ZNF850: variants seen among roughly 807,000 people sequenced by gnomAD.
The protein encoded by ZNF850 is putative zinc finger protein ENSP00000330994.
A neutral mutation model predicts 11.9 loss-of-function variants in ZNF850; 2 were observed. The observed-to-expected ratio is 0.17, with a 90% CI of 0.07 to 0.53. The LOEUF is 0.53. ZNF850 is among the 20% of genes least tolerant of loss of function. The pLI is 0.94. For missense variants in ZNF850, 1,014 were observed against 1,316.4 expected (o/e 0.77, Z 3.55); for synonymous variants, 381 against 443.0 (o/e 0.86, Z 1.76).
intron 4 of ZNF850, 70 bp downstream of exon 4, chr19:36,761,573 C>A (rs1168966214): frequency 3.6e-6 from 3 of 840,650 alleles, no homozygotes; most frequent in East Asian, 2.7e-5. Context: ...AATACCTGTA[C>A]GGTGCTGCCT....
In ZNF850 at chr19:36,750,713, A is replaced by G; in HGVS notation, c.327T>C (p.Cys109=). 1 of 1,536,262 alleles carries G rather than the reference A, an allele frequency of 6.5e-7. No individual in the cohort carries two copies. Among genetic ancestry groups the G allele is most frequent in the Non-Finnish European group, 8.7e-7 (1 of 1,146,938 alleles). ...TSSQWVRMEK[C]HSLVGSSVRD... is the part of the protein sequence containing the mutation. ...TGACACTGGAGCCCACAAGGCTATG[A>G]CATTTTTCCATTCTCACCCACTGAG... Residue 109 remains cysteine, a synonymous_variant, in exon 5 of 5, where the codon TGT becomes TGC. Transcript: ENST00000591344.
rs774902910 is a variant in ZNF850 at position 36,749,551 on chromosome 19, G to A, written c.1489C>T (p.Arg497Ter). 1.0e-5 allele frequency: 16 copies of A among 1,544,740 alleles called. No homozygotes were observed. Among genetic ancestry groups the A allele is most frequent in the Admixed American group, 2.0e-5 (1 of 51,252 alleles). ...TAGGGTTTCTCACCAGTGTGGATTCGCTGGTGTCGATTGCGTGTTGAGCGA... is the reference window on the plus strand; with the variant it reads ...TAGGGTTTCTCACCAGTGTGGATTCACTGGTGTCGATTGCGTGTTGAGCGA... ...TFRSTRNRHQ[R>*]IHTGEKPYNC... The change falls in exon 5 of 5, where the codon CGA becomes TGA. Residue 497 changes from arginine to a stop codon, truncating the protein, a stop_gained. Transcript: ENST00000591344. LOFTEE classifies it low-confidence loss of function (END_TRUNC).
Position 36,744,213 on chromosome 19 carries a change from A to G in ZNF850, c.*3554T>C, listed in dbSNP as rs1263538279. ...AAAAAGGATTTACCCCAAATAGATCATCTTTGGTCAATAAGAATATACAGG... is the reference window on the plus strand; with the variant it reads ...AAAAAGGATTTACCCCAAATAGATCGTCTTTGGTCAATAAGAATATACAGG... On this transcript the variant is annotated 3_prime_UTR_variant, in exon 5 of 5. Coordinates refer to ENST00000591344, the MANE Select transcript of ZNF850 (RefSeq NM_001193552.2). 6.6e-6 allele frequency: 1 copy of G among 151,680 alleles called. No individual in the cohort carries two copies. The highest frequency in any genetic ancestry group is 1.5e-5 in the Non-Finnish European group (1 of 67,944). The allele number at this position is 151,680 out of a possible 1,614,324, so 9.4% of individuals were successfully genotyped here.
At chr19:36,762,218 A>C in intron 3 of ZNF850, 87 bp downstream of exon 3, 1 of 1,187,104 alleles carries the variant, frequency 8.4e-7, no homozygotes, top group South Asian at 1.7e-5. Context: ...ACACAAAACA[A>C]TTCCCTAGGC....
At chr19:36,753,422 C>CAAAAAAAAAAAAAAAAA (rs58851544) in intron 4 of ZNF850, among the ~76,000 whole-genome samples, 2 of 46,654 alleles carry the variant, frequency 4.3e-5, no homozygotes, top group Non-Finnish European at 7.9e-5. Flanking sequence ...GACACTGTCT[C>CAAAAAAAAAAAAAAAAA]AAAAAAAAAA....
intron 4 of ZNF850, among the ~76,000 whole-genome samples, chr19:36,752,985 C>T (rs948092898): frequency 7.9e-5 from 12 of 151,980 alleles, no homozygotes; most frequent in East Asian, 1.9e-4. Flanking sequence ...AAAAGTTCTA[C>T]GGGGCCAGGT....
At chr19:36,751,317 A>G (rs1293650762) in intron 4 of ZNF850, among the ~76,000 whole-genome samples, 2 of 152,146 alleles carry the variant, frequency 1.3e-5, no homozygotes, top group Non-Finnish European at 2.9e-5. Context: ...AAAAGCTGTC[A>G]AAGCAAAGAG....
chr19:36,772,046 G>A (rs563471991), intron 1 of ZNF850, among the ~76,000 whole-genome samples: 6 of 152,182 alleles, frequency 3.9e-5, no homozygotes, highest in African/African-American at 1.4e-4. Flanking sequence ...ATCTAACAGA[G>A]CCCACCGTGT....
intron 1 of ZNF850, among the ~76,000 whole-genome samples, chr19:36,772,435 C>T (rs1293947033): frequency 6.6e-6 from 1 of 152,154 alleles, no homozygotes; most frequent in African/African-American, 2.4e-5. Context: ...CTGCAACTCA[C>T]GCACACAAGG....
intron 4 of ZNF850, among the ~76,000 whole-genome samples, chr19:36,752,062 T>C (rs996873737): frequency 6.6e-6 from 1 of 152,166 alleles, no homozygotes. Context: ...GGTATCAGTA[T>C]CTAAAAATTA....
rs750741477 is a variant in ZNF850, at chr19:36,749,636, C to G, written c.1404G>C (p.Gln468His). ...AGGGTTTCTCACCAGTGTGAATCCGCTGATGTTGAAGTAGTGCTGAGCCCG... is the reference window on the plus strand; with the variant it reads ...AGGGTTTCTCACCAGTGTGAATCCGGTGATGTTGAAGTAGTGCTGAGCCCG... ...FASGSALLQH[Q>H]RIHTGEKPYC... is the part of the protein sequence containing the mutation. Residue 468 changes from glutamine (Q) to histidine (H), a missense_variant, in exon 5 of 5, where the codon CAG becomes CAC. Physicochemically the swap from Gln to His is conservative, Grantham distance 24. Coordinates refer to ENST00000591344, the MANE Select transcript of ZNF850 (RefSeq NM_001193552.2). 5.1e-6 allele frequency: 8 copies of G among 1,553,594 alleles called. No individual in the cohort carries two copies. In the South Asian group the frequency reaches 9.4e-5, roughly 18 times the overall value.
Position 36,748,051 on chromosome 19 carries a change from T to G in ZNF850, c.2989A>C (p.Ile997Leu), listed in dbSNP as rs1440389732. 7 of 1,576,890 alleles carry G rather than the reference T, an allele frequency of 4.4e-6. No homozygotes were observed. In the Admixed American group the frequency reaches 7.4e-5, roughly 17 times the overall value. ...GKSFTCGSEL[I>L]RHQRTHTGEK... ...CCAGTGTGAGTTCGCTGATGTCGAA[T>G]TAGTTCTGAGCCGCAAGTAAAAGAT... is the stretch of plus-strand genomic sequence containing the variant. The change falls in exon 5 of 5, where the codon ATT (isoleucine) becomes CTT (leucine). Residue 997 changes from isoleucine (I) to leucine (L), a missense_variant. Coordinates refer to ENST00000591344, the MANE Select transcript of ZNF850 (RefSeq NM_001193552.2).
chr19:36,772,617 C>G (rs1403752567), intron 1 of ZNF850, 108 bp downstream of exon 1: 3 of 154,036 alleles, frequency 1.9e-5, no homozygotes, highest in Non-Finnish European at 4.3e-5. Flanking sequence ...CAGCACCACA[C>G]AGCCACAGTC....
At chr19:36,754,462 T>A (rs1372050085) in intron 4 of ZNF850, among the ~76,000 whole-genome samples, 1 of 152,172 alleles carries the variant, frequency 6.6e-6, no homozygotes, top group Non-Finnish European at 1.5e-5. Context: ...TCTAAATTTG[T>A]AAGCATCCAG....
intron 1 of ZNF850, among the ~76,000 whole-genome samples, chr19:36,764,725 CTTTTT>C (rs35367899): frequency 2.4e-5 from 3 of 126,836 alleles, no homozygotes; most frequent in Non-Finnish European, 3.2e-5. Flanking sequence ...TTTCCTTTCC[CTTTTT>C]TTTTTTTTTT....
At position 36,747,323 on chromosome 19, in the gene ZNF850, A is replaced by G. The variant is rs191748567; in HGVS notation, c.*444T>C. 1.3e-5 allele frequency: 2 copies of G among 155,760 alleles called. No homozygotes were observed. Among genetic ancestry groups the G allele is most frequent in the Admixed American group, 6.3e-5 (1 of 15,878 alleles). The allele number at this position is 155,760 out of a possible 1,614,324, so 9.6% of individuals were successfully genotyped here. On this transcript the variant is annotated 3_prime_UTR_variant, in exon 5 of 5. Coordinates refer to ENST00000591344, the MANE Select transcript of ZNF850 (RefSeq NM_001193552.2). ...TCTAATATGAATTTGTATAACTTCA[A>G]TAAGCTTTGAATCATGATAGAAAAC...
In ZNF850 at chr19:36,748,836, C is replaced by G; in HGVS notation, c.2204G>C (p.Gly735Ala). 1 of 1,547,692 alleles carries G rather than the reference C, an allele frequency of 6.5e-7. No individual in the cohort carries two copies. The highest frequency in any genetic ancestry group is 8.7e-7 in the Non-Finnish European group (1 of 1,151,040). ...TGTTGAGTGAGAAGTAAAAGATTTC[C>G]CACATTCCTTACCATCATAGGGTTT... ...DEKPYDGKEC[G>A]KSFTSHSTLI... The change falls in exon 5 of 5, where the codon GGG (glycine) becomes GCG (alanine). Residue 735 changes from glycine to alanine, a missense_variant. Transcript: ENST00000591344.
chr19:36,772,449 T>C (rs1354681481), intron 1 of ZNF850, among the ~76,000 whole-genome samples: 1 of 151,996 alleles, frequency 6.6e-6, no homozygotes, highest in Non-Finnish European at 1.5e-5. Flanking sequence ...CACAAGGTAC[T>C]GCACAGACAC....
Position 36,747,585 on chromosome 19 carries a change from G to A in ZNF850, c.*182C>T, listed in dbSNP as rs1469103969. 23 of 531,494 alleles carry A rather than the reference G, an allele frequency of 4.3e-5. No individual in the cohort carries two copies. Among genetic ancestry groups the A allele is most frequent in the South Asian group, 2.5e-4 (7 of 27,792 alleles). 32.9% of individuals were successfully genotyped at this position (531,494 alleles called of 1,614,324 possible). Reference sequence around the variant, plus strand: ...CAGGAGGCAGAGCTTGCAGTGAGCCGAGATAGCGCCACTGCACTCCAGCCT... The same window carrying A: ...CAGGAGGCAGAGCTTGCAGTGAGCCAAGATAGCGCCACTGCACTCCAGCCT... On this transcript the variant is annotated 3_prime_UTR_variant, in exon 5 of 5. Transcript: ENST00000591344.
Sources: allele counts gnomAD v4.1 joint callset (sites outside exome capture counted in the v4.1 genomes callset), GRCh38; gene constraint gnomAD v4.1.1; transcripts MANE v1.5; gene names NCBI Gene and HGNC (gene_info 2026-07-23, HGNC 2026-07-21).